The following TAFA2 variants were observed in gnomAD, a reference collection of about 807,000 sequenced individuals.
TAFA2 encodes the protein TAFA chemokine like family member 2.
In TAFA2, 7 loss-of-function variants were observed where a neutral mutation model predicts 18.8. The observed-to-expected ratio is 0.37, with a 90% CI of 0.21 to 0.70. TAFA2 has a LOEUF of 0.70. Among genes scored for constraint, TAFA2 ranks in the 30% least tolerant of loss-of-function variants. The pLI is 0.53. For missense variants in TAFA2, 122 were observed against 158.1 expected (o/e 0.77, Z 1.23); for synonymous variants, 60 against 54.2 (o/e 1.11, Z -0.47).
intron 1 of TAFA2, among the ~76,000 whole-genome samples, chr12:62,152,616 A>C (rs1381617589): frequency 6.6e-6 from 1 of 152,198 alleles, no homozygotes; most frequent in Admixed American, 6.5e-5. Flanking sequence ...TCCAAAATTC[A>C]GGGTCACTCT....
chr12:61,881,640 A>G (rs1169341298), intron 1 of TAFA2, among the ~76,000 whole-genome samples: 1 of 151,694 alleles, frequency 6.6e-6, no homozygotes, highest in African/African-American at 2.4e-5. Context: ...TGTCCAATTC[A>G]CCTCCAGGAA....
chr12:62,072,156 C>A (rs555581423), intron 1 of TAFA2, among the ~76,000 whole-genome samples: 1 of 152,186 alleles, frequency 6.6e-6, no homozygotes, highest in South Asian at 2.1e-4. Context: ...AAATCTTGCA[C>A]CTTTTGTGTT....
chr12:61,827,524 G>A (rs9706459), intron 2 of TAFA2, among the ~76,000 whole-genome samples: 2 of 151,918 alleles, frequency 1.3e-5, no homozygotes, highest in African/African-American at 4.8e-5. Context: ...CCGGAAAAGG[G>A]TTTTTTGTAA....
intron 1 of TAFA2, among the ~76,000 whole-genome samples, chr12:62,214,790 G>T (rs2062727522): frequency 6.6e-6 from 1 of 152,130 alleles, no homozygotes; most frequent in Admixed American, 6.5e-5. Flanking sequence ...CTCCAGAACT[G>T]TGAGAAAGTG....
chr12:61,941,595 T>C (rs851915), intron 1 of TAFA2, among the ~76,000 whole-genome samples: 47,921 of 151,678 alleles, frequency 0.32, 9,217 homozygotes, highest in African/African-American at 0.55. Context: ...AGTGGGTGCG[T>C]GCACCGTGCG....
intron 1 of TAFA2, among the ~76,000 whole-genome samples, chr12:61,897,986 A>G (rs950664581): frequency 6.6e-6 from 1 of 152,240 alleles, no homozygotes; most frequent in Non-Finnish European, 1.5e-5. Flanking sequence ...AAATGCTCTC[A>G]TTCCAAATGG....
At chr12:61,838,498 C>T (rs140120943) in intron 2 of TAFA2, among the ~76,000 whole-genome samples, 2,229 of 152,012 alleles carry the variant, frequency 0.015, 56 homozygotes, top group African/African-American at 0.051. Context: ...CTGAAAGAAT[C>T]CTTCGGGATG....
At chr12:61,925,033 G>A (rs144096562) in intron 1 of TAFA2, among the ~76,000 whole-genome samples, 7 of 152,120 alleles carry the variant, frequency 4.6e-5, no homozygotes, top group Admixed American at 6.6e-5. Context: ...ACAAGAAGAC[G>A]TAACTATACT....
chr12:61,819,051 T>C (rs1249044888), intron 2 of TAFA2, among the ~76,000 whole-genome samples: 3 of 152,182 alleles, frequency 2.0e-5, no homozygotes, highest in Non-Finnish European at 4.4e-5. Flanking sequence ...TACTGATTAA[T>C]TAGATTCCCT....
intron 2 of TAFA2, among the ~76,000 whole-genome samples, chr12:61,830,065 A>G (rs1376143942): frequency 6.6e-6 from 1 of 151,692 alleles, no homozygotes; most frequent in African/African-American, 2.4e-5. Flanking sequence ...TGGTATATTT[A>G]TCACAGCACT....
intron 1 of TAFA2, among the ~76,000 whole-genome samples, chr12:62,051,402 C>A (rs956301500): frequency 1.3e-5 from 2 of 152,006 alleles, no homozygotes; most frequent in African/African-American, 4.8e-5. Flanking sequence ...TAGGTACTGA[C>A]AATAGAAAAA....
chr12:62,141,000 T>C (rs1306745050), intron 1 of TAFA2, among the ~76,000 whole-genome samples: 3 of 152,290 alleles, frequency 2.0e-5, no homozygotes, highest in East Asian at 3.9e-4. Flanking sequence ...CTGTGCTGAG[T>C]GCTTTACATA....
intron 1 of TAFA2, among the ~76,000 whole-genome samples, chr12:61,905,669 A>T (rs1367215244): frequency 6.6e-6 from 1 of 152,184 alleles, no homozygotes; most frequent in African/African-American, 2.4e-5. Flanking sequence ...AAATATCCTC[A>T]TATCCAATTA....
intron 1 of TAFA2, among the ~76,000 whole-genome samples, chr12:62,086,417 C>T (rs1296461865): frequency 2.6e-5 from 4 of 152,002 alleles, no homozygotes; most frequent in African/African-American, 9.7e-5. Flanking sequence ...GAATAATATC[C>T]AGCATATATA....
intron 1 of TAFA2, among the ~76,000 whole-genome samples, chr12:62,158,129 A>G (rs1400095897): frequency 6.6e-6 from 1 of 152,232 alleles, no homozygotes; most frequent in Non-Finnish European, 1.5e-5. Flanking sequence ...AAATTCTTTA[A>G]ACCACAATCA....
At chr12:62,213,842 C>G (rs1176693381) in intron 1 of TAFA2, among the ~76,000 whole-genome samples, 1 of 152,158 alleles carries the variant, frequency 6.6e-6, no homozygotes, top group Non-Finnish European at 1.5e-5. Flanking sequence ...AGATACCTTT[C>G]AAGATTTTTA....
chr12:61,710,265 C>T lies in TAFA2; in HGVS notation c.*141G>A. 1.4e-6 allele frequency: 1 copy of T among 713,890 alleles called. No homozygotes were observed. Among genetic ancestry groups the T allele is most frequent in the Non-Finnish European group, 2.4e-6 (1 of 410,532 alleles). The allele number at this position is 713,890 out of a possible 1,614,324, so 44.2% of individuals were successfully genotyped here. A position where few individuals can be genotyped will look rare whatever the true frequency, so the allele number is the denominator to read the frequency against. ...AAAAGTCTTGATTTCAAGAAGAGGC[C>T]ATGAAATCCCTTGGAAATAGACTAT... On this transcript the variant is annotated 3_prime_UTR_variant, in exon 5 of 5. Transcript: ENST00000416284.
intron 2 of TAFA2, among the ~76,000 whole-genome samples, chr12:61,836,186 T>C (rs1872912755): frequency 6.6e-6 from 1 of 151,918 alleles, no homozygotes; most frequent in Non-Finnish European, 1.5e-5. Flanking sequence ...TACATGTTAC[T>C]GTGATCACAT....
chr12:62,038,183 C>G (rs979914805), intron 1 of TAFA2, among the ~76,000 whole-genome samples: 1 of 152,006 alleles, frequency 6.6e-6, no homozygotes, highest in African/African-American at 2.4e-5. Flanking sequence ...TGATGTACAA[C>G]AGAGAATTAT....
Sources: allele counts gnomAD v4.1 joint callset (sites outside exome capture counted in the v4.1 genomes callset), GRCh38; gene constraint gnomAD v4.1.1; transcripts MANE v1.5; gene names NCBI Gene and HGNC (gene_info 2026-07-23, HGNC 2026-07-21).